ATP2B3: variants seen among roughly 807,000 people sequenced by gnomAD.
ATP2B3 encodes the protein plasma membrane calcium-transporting ATPase 3.
ATP2B3 carries 12 observed loss-of-function variants against 70.8 expected under a neutral mutation model. The observed-to-expected ratio is 0.17, with a 90% CI of 0.11 to 0.27. The LOEUF (loss-of-function observed/expected upper bound fraction) is 0.27. Ranked by LOEUF, ATP2B3 falls within the 10% of genes least tolerant of loss-of-function variation. The pLI is 1.00. For synonymous variants in ATP2B3, 460 were observed against 497.8 expected (o/e 0.92, Z 1.01); for missense variants, 858 against 1,118.5 (o/e 0.77, Z 3.32).
At chrX:153,567,511 G>T (rs1340515243) in intron 21 of ATP2B3, among the ~76,000 whole-genome samples, 3 of 113,016 alleles carry the variant, frequency 2.7e-5, no homozygotes, top group Non-Finnish European at 5.6e-5. Context: ...CGCCGCAGCC[G>T]AAGGCGACGT....
At chrX:153,544,975 G>A (rs1297121454) in intron 7 of ATP2B3, among the ~76,000 whole-genome samples, 1 of 112,867 alleles carries the variant, frequency 8.9e-6, no homozygotes, top group Non-Finnish European at 1.9e-5. Flanking sequence ...TGCGGTCATC[G>A]CACTGCCATC....
intron 16 of ATP2B3, among the ~76,000 whole-genome samples, chrX:153,557,886 C>A (rs782708854): frequency 1.9e-5 from 2 of 107,714 alleles, no homozygotes; most frequent in Admixed American, 9.8e-5. Flanking sequence ...AGCAAAGCCC[C>A]CCCCCCCACC....
intron 2 of ATP2B3, among the ~76,000 whole-genome samples, chrX:153,524,370 C>T (rs782126781): frequency 4.5e-4 from 50 of 111,395 alleles, no homozygotes; most frequent in African/African-American, 1.5e-3. Flanking sequence ...TTGCAGGCCA[C>T]ATAGTCTCTG....
intron 3 of ATP2B3, among the ~76,000 whole-genome samples, chrX:153,540,422 GTTC>G (rs1431935487): frequency 1.8e-5 from 2 of 112,083 alleles, no homozygotes; most frequent in Admixed American, 9.4e-5. Flanking sequence ...GCGTGACACC[GTTC>G]TTCTTCTTTG....
At position 153,549,574 on chromosome X, in the gene ATP2B3, C is replaced by G. The variant is rs782571754; in HGVS notation, c.1416C>G (p.Ser472=). The change falls in exon 11 of 22, where the codon TCC becomes TCG. Residue 472 remains serine (S), a synonymous_variant. Transcript: ENST00000263519. Reference sequence around the variant, plus strand: ...TGGGCAACGCCACAGCCATCTGCTCCGACAAGACGGGCACGCTCACCACCA... The same window carrying G: ...TGGGCAACGCCACAGCCATCTGCTCGGACAAGACGGGCACGCTCACCACCA... ...ETMGNATAIC[S]DKTGTLTTNR... 8.2e-7 allele frequency: 1 copy of G among 1,212,324 alleles called. No homozygotes were observed. Among genetic ancestry groups the G allele is most frequent in the South Asian group, 1.8e-5 (1 of 57,043 alleles).
chrX:153,534,982 G>A (rs1442346211), intron 2 of ATP2B3, among the ~76,000 whole-genome samples: 1 of 112,757 alleles, frequency 8.9e-6, no homozygotes, highest in Non-Finnish European at 1.9e-5. Context: ...CCAGAGACGG[G>A]GGTTCAGGGC....
intron 21 of ATP2B3, among the ~76,000 whole-genome samples, chrX:153,576,639 G>A (rs1322465835): frequency 8.9e-6 from 1 of 112,079 alleles, no homozygotes; most frequent in Non-Finnish European, 1.9e-5. Flanking sequence ...TGGCCTGATG[G>A]TCTATAGACA....
In ATP2B3 at chrX:153,556,913, C is replaced by T. The variant is rs1223599775; in HGVS notation, c.2327-4C>T. On this transcript the variant is annotated splice_polypyrimidine_tract_variant and splice_region_variant and intron_variant, in intron 15 of 21. Transcript: ENST00000263519. ...GCCCTGCCCTGCCCTGATCTGTCTT[C>T]CAGGGATTATCGACAGCACCACTGG... 7.6e-6 allele frequency: 9 copies of T among 1,182,147 alleles called. No individual in the cohort carries two copies. Among genetic ancestry groups the T allele is most frequent in the Non-Finnish European group, 1.0e-5 (9 of 879,956 alleles).
At chrX:153,532,124 G>A (rs2090126918) in intron 2 of ATP2B3, among the ~76,000 whole-genome samples, 2 of 112,435 alleles carry the variant, frequency 1.8e-5, no homozygotes, top group African/African-American at 6.5e-5. Context: ...GTAAGGCAGG[G>A]AGAGTTCTCC....
At chrX:153,572,898 G>A (rs1012002767) in intron 21 of ATP2B3, among the ~76,000 whole-genome samples, 2 of 112,432 alleles carry the variant, frequency 1.8e-5, no homozygotes, top group African/African-American at 3.2e-5. Flanking sequence ...TAGGAGGCAC[G>A]GGAGGGTGCG....
At chrX:153,551,316 T>C (rs1557011460) in intron 12 of ATP2B3, among the ~76,000 whole-genome samples, 5 of 112,580 alleles carry the variant, frequency 4.4e-5, no homozygotes, top group Admixed American at 2.8e-4. Flanking sequence ...CCTTGATGAC[T>C]AACAACGCTG....
intron 19 of ATP2B3, 27 bp downstream of exon 19, chrX:153,560,914 C>T (rs1557016101): frequency 8.3e-7 from 1 of 1,207,426 alleles, no homozygotes. Flanking sequence ...CACTCTTGGC[C>T]TCTGCCACTT....
intron 21 of ATP2B3, among the ~76,000 whole-genome samples, chrX:153,577,450 T>G (rs1370460015): frequency 1.8e-5 from 2 of 112,533 alleles, no homozygotes; most frequent in East Asian, 5.6e-4. Context: ...ACTTTGTCCT[T>G]TTTGTGACTT....
intron 21 of ATP2B3, chrX:153,569,230 G>A (rs782144298): frequency 2.3e-5 from 10 of 435,985 alleles, no homozygotes; most frequent in South Asian, 1.9e-4. Context: ...TAATAGGAGC[G>A]TGTCATGTCC....
intron 12 of ATP2B3, among the ~76,000 whole-genome samples, chrX:153,551,763 GA>G (rs2090460276): frequency 8.9e-6 from 1 of 111,909 alleles, no homozygotes; most frequent in African/African-American, 3.3e-5. Flanking sequence ...AAAGCTATTA[GA>G]ACAAAGTAAG....
At chrX:153,575,757 A>C (rs1021496897) in intron 21 of ATP2B3, among the ~76,000 whole-genome samples, 5 of 112,362 alleles carry the variant, frequency 4.4e-5, no homozygotes, top group African/African-American at 1.6e-4. Flanking sequence ...GAGAGCCAGA[A>C]GAGAGTACCT....
chrX:153,545,262 C>A (rs2090347553), intron 7 of ATP2B3, among the ~76,000 whole-genome samples: 1 of 113,449 alleles, frequency 8.8e-6, no homozygotes, highest in African/African-American at 3.2e-5. Flanking sequence ...CCTGGCCTTG[C>A]AGGGCTGCTG....
chrX:153,539,844 G>A (rs1392697089), intron 3 of ATP2B3, among the ~76,000 whole-genome samples: 1 of 113,087 alleles, frequency 8.8e-6, no homozygotes, highest in Non-Finnish European at 1.9e-5. Flanking sequence ...GTCCAGGCCC[G>A]GATGCCAGTC....
intron 6 of ATP2B3, 42 bp from the exon 7 acceptor site, chrX:153,543,001 G>A (rs943964762): frequency 2.5e-6 from 3 of 1,198,094 alleles, no homozygotes; most frequent in Non-Finnish European, 3.4e-6. Flanking sequence ...CTCCCACTGG[G>A]TGATACAAAT....
Sources: gnomAD v4.1 joint callset for allele counts (sites outside exome capture counted in the v4.1 genomes callset) on GRCh38, gnomAD v4.1.1 for gene constraint, MANE v1.5 for transcripts, NCBI Gene and HGNC (gene_info 2026-07-23, HGNC 2026-07-21) for gene names.